Variants in ARHGEF3 observed in about 807,000 individuals in gnomAD.
The protein encoded by ARHGEF3 is Rho guanine nucleotide exchange factor 3, also known as 59.8 kDA protein.
In ARHGEF3, 28 loss-of-function variants were observed where a neutral mutation model predicts 63.2. The ratio of observed to expected loss-of-function variants is 0.44; its 90% CI spans 0.33 to 0.61. The LOEUF (loss-of-function observed/expected upper bound fraction) is 0.61, where lower values mean the gene tolerates loss of function less well. ARHGEF3 is among the 20% of genes least tolerant of loss of function. ARHGEF3 has a pLI of 0.03. For synonymous variants in ARHGEF3, 266 were observed against 254.2 expected (o/e 1.05, Z -0.44); for missense variants, 533 against 659.3 (o/e 0.81, Z 2.10).
chr3:57,026,679 G>A (rs1703488914), intron 2 of ARHGEF3, among the ~76,000 whole-genome samples: 1 of 152,194 alleles, frequency 6.6e-6, no homozygotes, highest in African/African-American at 2.4e-5. Flanking sequence ...CACCAGATGA[G>A]TGTGGGCCAG....
At chr3:57,030,302 C>T (rs935164115) in intron 2 of ARHGEF3, among the ~76,000 whole-genome samples, 14 of 152,182 alleles carry the variant, frequency 9.2e-5, no homozygotes, top group African/African-American at 3.1e-4. Flanking sequence ...GCAGAACCGG[C>T]AAGGAGGAGG....
intron 1 of ARHGEF3, among the ~76,000 whole-genome samples, chr3:57,036,807 C>T (rs893157286): frequency 4.6e-5 from 7 of 152,178 alleles, no homozygotes; most frequent in South Asian, 2.1e-4. Context: ...GGTCCAGCAC[C>T]GTTGCATCCA....
chr3:56,736,000 T>G (rs1209691454), intron 8 of ARHGEF3, among the ~76,000 whole-genome samples: 3 of 150,818 alleles, frequency 2.0e-5, no homozygotes, highest in Admixed American at 6.7e-5. Flanking sequence ...TGAAATACAA[T>G]CAAAATGCAG....
chr3:56,989,234 G>T (rs763078953), intron 2 of ARHGEF3, among the ~76,000 whole-genome samples: 4 of 151,420 alleles, frequency 2.6e-5, no homozygotes, highest in Non-Finnish European at 5.9e-5. Context: ...TTCCTAAAAG[G>T]ATAAGAGATG....
At chr3:57,004,120 C>A (rs1560124810) in intron 2 of ARHGEF3, among the ~76,000 whole-genome samples, 1 of 152,180 alleles carries the variant, frequency 6.6e-6, no homozygotes, top group Non-Finnish European at 1.5e-5. Flanking sequence ...GGAATATGGG[C>A]CCCAGCCGTG....
At chr3:56,905,249 T>C (rs2041646078) in intron 3 of ARHGEF3, among the ~76,000 whole-genome samples, 1 of 152,226 alleles carries the variant, frequency 6.6e-6, no homozygotes, top group African/African-American at 2.4e-5. Context: ...CATATGATGA[T>C]GTCAACCTCT....
intron 1 of ARHGEF3, among the ~76,000 whole-genome samples, chr3:57,068,733 G>A (rs1028412812): frequency 2.0e-5 from 3 of 152,086 alleles, no homozygotes; most frequent in African/African-American, 4.8e-5. Flanking sequence ...GAACTGAAGC[G>A]CCAAACCTCA....
intron 2 of ARHGEF3, among the ~76,000 whole-genome samples, chr3:57,013,390 A>G (rs1048247038): frequency 1.3e-5 from 2 of 152,182 alleles, no homozygotes; most frequent in East Asian, 3.9e-4. Context: ...ATATGCACCA[A>G]TCAGCACTTT....
In ARHGEF3 at chr3:56,930,964, C is replaced by G. The variant is rs907001208; in HGVS notation, c.129+27859G>C. On this transcript the variant is annotated intron_variant, in intron 3 of 12. Coordinates refer to the ARHGEF3 transcript ENST00000338458. ...ACATATGCTGCGCCTCTTAGTCACT[C>G]TGGATAATGAGATGAGTATATTTTT... is the stretch of plus-strand genomic sequence containing the variant. Among the ~76,000 whole-genome samples, 13 of 152,158 alleles carry G rather than the reference C, an allele frequency of 8.5e-5. No individual in the cohort carries two copies. In the East Asian group the frequency reaches 2.3e-3, roughly 27 times the overall value.
chr3:56,759,461 G>A (rs1036385839), intron 2 of ARHGEF3, among the ~76,000 whole-genome samples: 5 of 152,154 alleles, frequency 3.3e-5, no homozygotes, highest in Non-Finnish European at 4.4e-5. Flanking sequence ...GAGCCTCCGC[G>A]CCTGGCCGAG....
At chr3:56,782,875 C>A (rs72882933) in intron 1 of ARHGEF3, among the ~76,000 whole-genome samples, 1 of 152,254 alleles carries the variant, frequency 6.6e-6, no homozygotes, top group African/African-American at 2.4e-5. Context: ...TCTGGGCAAA[C>A]CCACAAATTA....
intron 4 of ARHGEF3, among the ~76,000 whole-genome samples, chr3:56,828,226 T>C (rs541881203): frequency 6.6e-6 from 1 of 152,298 alleles, no homozygotes; most frequent in Non-Finnish European, 1.5e-5. Context: ...ACTCCATCTA[T>C]GACTGGCTTT....
intron 2 of ARHGEF3, among the ~76,000 whole-genome samples, chr3:57,005,409 A>T (rs756681452): frequency 9.2e-5 from 14 of 152,184 alleles, no homozygotes; most frequent in Non-Finnish European, 1.8e-4. Context: ...CAACAGTAGA[A>T]ATGTCTGTGG....
At chr3:56,944,503 A>T (rs1385269649) in intron 3 of ARHGEF3, among the ~76,000 whole-genome samples, 1 of 151,314 alleles carries the variant, frequency 6.6e-6, no homozygotes, top group Non-Finnish European at 1.5e-5. Flanking sequence ...GAATTGCTGC[A>T]GTCTCATGAT....
intron 2 of ARHGEF3, among the ~76,000 whole-genome samples, chr3:56,990,845 G>C (rs1048884611): frequency 6.6e-6 from 1 of 152,134 alleles, no homozygotes; most frequent in African/African-American, 2.4e-5. Context: ...AGCTCTATCT[G>C]TGAGGCTCTC....
At chr3:56,802,819 G>A (rs1192201618), upstream of ARHGEF3, among the ~76,000 whole-genome samples, 2 of 152,152 alleles carry the variant, frequency 1.3e-5, no homozygotes, top group Non-Finnish European at 2.9e-5. Flanking sequence ...GTCTGGGGCA[G>A]TAAAAAATAA....
chr3:56,767,163 AT>A (rs956358072), intron 2 of ARHGEF3, among the ~76,000 whole-genome samples: 4 of 151,864 alleles, frequency 2.6e-5, no homozygotes, highest in South Asian at 2.1e-4. Flanking sequence ...AAAAAAAAAA[AT>A]CAAGTCTTTG....
chr3:56,755,301 C>G (rs757417440), intron 2 of ARHGEF3, 150 bp from the exon 3 acceptor site: 16 of 879,724 alleles, frequency 1.8e-5, no homozygotes, highest in Non-Finnish European at 2.4e-5. Flanking sequence ...GGGGCATTGT[C>G]TTGAGCCTAC....
At chr3:56,754,417 G>A (rs78259887) in intron 3 of ARHGEF3, among the ~76,000 whole-genome samples, 2,235 of 152,298 alleles carry the variant, frequency 0.015, 42 homozygotes, top group African/African-American at 0.051. Context: ...GGTAAACTGA[G>A]GACAAAGCAG....
Sources: gnomAD v4.1 joint callset for allele counts (sites outside exome capture counted in the v4.1 genomes callset) on GRCh38, gnomAD v4.1.1 for gene constraint, MANE v1.5 for transcripts, NCBI Gene and HGNC (gene_info 2026-07-23, HGNC 2026-07-21) for gene names.